IQCM: variants seen among roughly 807,000 people sequenced by gnomAD.
The protein encoded by IQCM is IQ domain-containing protein M.
Under a neutral mutation model 57.6 loss-of-function variants are expected in IQCM, and 45 were observed. That is an observed-to-expected ratio of 0.78 (90% CI 0.62 to 1.00). The LOEUF (loss-of-function observed/expected upper bound fraction) is 1.00. Ranked by LOEUF, IQCM falls within the 50% of genes least tolerant of loss-of-function variation. IQCM has a pLI of 0.00. For missense variants in IQCM, 468 were observed against 511.6 expected (o/e 0.91, Z 0.82); for synonymous variants, 148 against 158.9 (o/e 0.93, Z 0.51).
At chr4:149,519,208 T>C (rs1745324466) in intron 12 of IQCM, among the ~76,000 whole-genome samples, 1 of 152,258 alleles carries the variant, frequency 6.6e-6, no homozygotes, top group South Asian at 2.1e-4. Flanking sequence ...TGATTCATTT[T>C]CTACTGGTGT....
chr4:149,389,299 T>C (rs1731671204), intron 13 of IQCM, among the ~76,000 whole-genome samples: 1 of 152,044 alleles, frequency 6.6e-6, no homozygotes, highest in African/African-American at 2.4e-5. Context: ...TTGATCATAA[T>C]GTGAGAGTTT....
intron 12 of IQCM, among the ~76,000 whole-genome samples, chr4:149,508,839 T>G (rs1443532945): frequency 6.6e-6 from 1 of 152,148 alleles, no homozygotes; most frequent in East Asian, 1.9e-4. Context: ...AATCTCATCT[T>G]GAATACCCAC....
chr4:149,489,796 CAT>C (rs1484160455), intron 12 of IQCM, among the ~76,000 whole-genome samples: 2 of 151,248 alleles, frequency 1.3e-5, no homozygotes, highest in African/African-American at 4.8e-5. Flanking sequence ...TACACACACA[CAT>C]ATATATGCAT....
rs746997825 is a variant in IQCM at position 149,686,388 on chromosome 4, C to G, written c.466G>C (p.Glu156Gln). The change falls in exon 6 of 14, where the codon GAG (glutamate) becomes CAG (glutamine). Residue 156 changes from glutamate to glutamine, a missense_variant. Glu to Gln is a conservative substitution (Grantham distance 29). Coordinates refer to ENST00000636793, the MANE Select transcript of IQCM (RefSeq NM_001363507.2). ...CTAATTATACATTACCTGGACTCCTCAAAGTGCTGTTGCTTTGCTGTCTCC... is the reference window on the plus strand; with the variant it reads ...CTAATTATACATTACCTGGACTCCTGAAAGTGCTGTTGCTTTGCTGTCTCC... ...KMETAKQQHF[E>Q]ESRNRMLELL... 4.1e-5 allele frequency: 50 copies of G among 1,217,750 alleles called. No homozygotes were observed. The highest frequency in any genetic ancestry group is 4.8e-5 in the Non-Finnish European group (47 of 975,440). 75.4% of individuals were successfully genotyped at this position (1,217,750 alleles called of 1,614,324 possible).
intron 8 of IQCM, among the ~76,000 whole-genome samples, chr4:149,601,254 T>C (rs898638133): frequency 1.3e-5 from 2 of 152,006 alleles, no homozygotes; most frequent in Non-Finnish European, 2.9e-5. Flanking sequence ...ATAACAATGC[T>C]ACTGACCCAT....
intron 11 of IQCM, among the ~76,000 whole-genome samples, chr4:149,549,496 C>A (rs993793268): frequency 6.6e-6 from 1 of 151,924 alleles, no homozygotes; most frequent in Non-Finnish European, 1.5e-5. Flanking sequence ...CCAGCCTGGG[C>A]GACAGAGCGA....
chr4:149,568,031 A>G (rs907427887), intron 9 of IQCM, among the ~76,000 whole-genome samples: 1 of 152,122 alleles, frequency 6.6e-6, no homozygotes. Flanking sequence ...ATTGCTTCCA[A>G]TATCTGTTAG....
chr4:149,473,109 C>T (rs573082119), intron 12 of IQCM, among the ~76,000 whole-genome samples: 5 of 152,208 alleles, frequency 3.3e-5, no homozygotes, highest in South Asian at 4.2e-4. Context: ...CAACAAAAGC[C>T]AAAATTGACA....
At chr4:149,464,483 T>C (rs192597913) in intron 12 of IQCM, among the ~76,000 whole-genome samples, 1 of 152,312 alleles carries the variant, frequency 6.6e-6, no homozygotes, top group Admixed American at 6.5e-5. Context: ...CCCTAAGGTT[T>C]CTTTCTTGCC....
At chr4:149,554,856 C>T (rs1037451358) in intron 10 of IQCM, among the ~76,000 whole-genome samples, 5 of 151,514 alleles carry the variant, frequency 3.3e-5, no homozygotes, top group Admixed American at 2.0e-4. Context: ...CCCCCCACCA[C>T]GCCCGGCTAA....
intron 2 of IQCM, among the ~76,000 whole-genome samples, chr4:149,766,487 G>A (rs1770071782): frequency 6.6e-6 from 1 of 151,974 alleles, no homozygotes; most frequent in African/African-American, 2.4e-5. Flanking sequence ...TCTGTTCCTG[G>A]CTCCCCAGAT....
Position 149,553,168 on chromosome 4 carries a change from T to A in IQCM, c.1068A>T (p.Leu356=). ...ATTTTTTTCGGTCCATCCACTCCTCTAGCTCTGCTAAGTTGAGAATTTGTC... is the reference window on the plus strand; with the variant it reads ...ATTTTTTTCGGTCCATCCACTCCTCAAGCTCTGCTAAGTTGAGAATTTGTC... ...RTRQILNLAE[L]EEWMDRKKFY... The change falls in exon 11 of 14, where the codon CTA becomes CTT. Residue 356 remains leucine (L), a synonymous_variant. Transcript: ENST00000636793. 8.1e-7 allele frequency: 1 copy of A among 1,232,054 alleles called. No individual in the cohort carries two copies. 76.3% of individuals were successfully genotyped at this position (1,232,054 alleles called of 1,614,324 possible).
chr4:149,444,468 T>A (rs1736291749), intron 12 of IQCM, among the ~76,000 whole-genome samples: 1 of 151,912 alleles, frequency 6.6e-6, no homozygotes, highest in East Asian at 1.9e-4. Context: ...CAACTTGGGT[T>A]ATTTCCCTTT....
At chr4:149,596,123 A>T (rs1561038626) in intron 8 of IQCM, among the ~76,000 whole-genome samples, 4 of 152,140 alleles carry the variant, frequency 2.6e-5, no homozygotes, top group Admixed American at 1.3e-4. Context: ...GTAGGAGGCA[A>T]TACACAGGCT....
intron 9 of IQCM, among the ~76,000 whole-genome samples, chr4:149,571,418 C>T (rs1227404551): frequency 6.6e-6 from 1 of 152,074 alleles, no homozygotes; most frequent in East Asian, 1.9e-4. Flanking sequence ...CATGACCTCA[C>T]TCATGTGGAA....
chr4:149,558,564 A>C (rs1449284838), intron 10 of IQCM, among the ~76,000 whole-genome samples: 3 of 152,180 alleles, frequency 2.0e-5, no homozygotes, highest in Non-Finnish European at 4.4e-5. Flanking sequence ...GGTGGTAGTA[A>C]GTGCCATGAA....
At chr4:149,659,373 A>T (rs1357944254) in intron 7 of IQCM, among the ~76,000 whole-genome samples, 1 of 152,182 alleles carries the variant, frequency 6.6e-6, no homozygotes, top group African/African-American at 2.4e-5. Context: ...CACGGGTAGG[A>T]AGAATCAATA....
chr4:149,691,336 C>T (rs1421784655), intron 5 of IQCM, among the ~76,000 whole-genome samples: 2 of 152,118 alleles, frequency 1.3e-5, no homozygotes, highest in African/African-American at 4.8e-5. Flanking sequence ...CACTCTGCTG[C>T]TCAATATTCC....
intron 2 of IQCM, among the ~76,000 whole-genome samples, chr4:149,761,607 T>C (rs754985375): frequency 6.6e-6 from 1 of 152,138 alleles, no homozygotes; most frequent in African/African-American, 2.4e-5. Flanking sequence ...GTAGTATGGT[T>C]ATTTGTGTGC....
Sources: allele counts gnomAD v4.1 joint callset (sites outside exome capture counted in the v4.1 genomes callset), GRCh38; gene constraint gnomAD v4.1.1; transcripts MANE v1.5; gene names NCBI Gene and HGNC (gene_info 2026-07-23, HGNC 2026-07-21).